CNOT2: variants seen among roughly 807,000 people sequenced by gnomAD.
The protein encoded by CNOT2 is CC chemokine receptor 4-negative regulator of transcription 2.
A neutral mutation model predicts 72.1 loss-of-function variants in CNOT2; 7 were observed. The observed-to-expected ratio is 0.10, with a 90% CI of 0.06 to 0.18. The LOEUF is 0.18. Ranked by LOEUF, CNOT2 falls within the 10% of genes least tolerant of loss-of-function variation. CNOT2 has a pLI of 1.00. For missense variants in CNOT2, 345 were observed against 660.3 expected, an observed-to-expected ratio of 0.52 and a Z score of 5.23; for synonymous variants, 196 against 225.6, an observed-to-expected ratio of 0.87 and a Z score of 1.17.
intron 2 of CNOT2, among the ~76,000 whole-genome samples, chr12:70,294,941 C>CGTGT (rs140897323): frequency 2.0e-5 from 3 of 151,386 alleles, no homozygotes; most frequent in Non-Finnish European, 2.9e-5. Flanking sequence ...GATCCTGTGT[C>CGTGT]GTGTGTGTGT....
At chr12:70,296,766 C>A (rs1027344759) in intron 2 of CNOT2, among the ~76,000 whole-genome samples, 3 of 148,578 alleles carry the variant, frequency 2.0e-5, no homozygotes, top group Admixed American at 1.4e-4. Context: ...AGCCCCCCCC[C>A]CTTTTTAAAT....
At chr12:70,255,976 C>G (rs1958418929) in intron 1 of CNOT2, among the ~76,000 whole-genome samples, 1 of 152,094 alleles carries the variant, frequency 6.6e-6, no homozygotes. Flanking sequence ...ACTCAGGCAT[C>G]AGATACTCAG....
intron 2 of CNOT2, among the ~76,000 whole-genome samples, chr12:70,296,332 C>G (rs1872784889): frequency 6.6e-6 from 1 of 152,126 alleles, no homozygotes; most frequent in African/African-American, 2.4e-5. Context: ...TAGCTTTCTA[C>G]TAAAGCCTAT....
chr12:70,296,031 A>G (rs189613184), intron 2 of CNOT2, among the ~76,000 whole-genome samples: 40 of 152,238 alleles, frequency 2.6e-4, no homozygotes, highest in Middle Eastern at 3.4e-3. Flanking sequence ...ATATTAAGGG[A>G]TAACATACAT....
At position 70,276,666 on chromosome 12, in the gene CNOT2, A is replaced by T. The variant is rs1387606450; in HGVS notation, c.-95-1466A>T. Among the ~76,000 whole-genome samples, 3 of 152,014 alleles carry T rather than the reference A, an allele frequency of 2.0e-5. No individual in the cohort carries two copies. In the East Asian group the frequency reaches 5.8e-4, roughly 29 times the overall value. On this transcript the variant is annotated intron_variant, in intron 1 of 15. Coordinates refer to ENST00000229195, the MANE Select transcript of CNOT2 (RefSeq NM_014515.7). ...TATGAATAACCTCATTGCTTGCTAAATGATAAAGATTACATTTATAATAGT... is the reference window on the plus strand; with the variant it reads ...TATGAATAACCTCATTGCTTGCTAATTGATAAAGATTACATTTATAATAGT...
chr12:70,333,747 A>G (rs1161951260), intron 7 of CNOT2, among the ~76,000 whole-genome samples: 1 of 151,972 alleles, frequency 6.6e-6, no homozygotes, highest in Middle Eastern at 3.2e-3. Flanking sequence ...AAATCTTTGA[A>G]AAAAGATTCC....
chr12:70,277,430 T>C (rs1214340874), intron 1 of CNOT2, among the ~76,000 whole-genome samples: 4 of 152,128 alleles, frequency 2.6e-5, no homozygotes, highest in Non-Finnish European at 4.4e-5. Flanking sequence ...TTTATATCTC[T>C]GCAGTTTAAG....
chr12:70,325,804 T>A (rs1221068289), intron 4 of CNOT2, among the ~76,000 whole-genome samples: 1 of 151,864 alleles, frequency 6.6e-6, no homozygotes, highest in African/African-American at 2.4e-5. Context: ...GGGGACACTT[T>A]AAGGCATCAG....
At chr12:70,318,558 A>G (rs1877746471) in intron 3 of CNOT2, among the ~76,000 whole-genome samples, 2 of 151,076 alleles carry the variant, frequency 1.3e-5, no homozygotes, top group South Asian at 2.1e-4. Flanking sequence ...AAATGTTACC[A>G]CTCTATAGAG....
At chr12:70,260,633 A>G (rs1264982103) in intron 1 of CNOT2, among the ~76,000 whole-genome samples, 2 of 152,100 alleles carry the variant, frequency 1.3e-5, no homozygotes, top group African/African-American at 4.8e-5. Flanking sequence ...TTCATTATTG[A>G]CATGGAGTAT....
chr12:70,300,281 T>G (rs1458077118), intron 2 of CNOT2, among the ~76,000 whole-genome samples: 1 of 152,226 alleles, frequency 6.6e-6, no homozygotes, highest in Non-Finnish European at 1.5e-5. Flanking sequence ...GTTTTAGACA[T>G]GAAGTCCTTG....
At chr12:70,249,236 T>G (rs1958025513) in intron 1 of CNOT2, among the ~76,000 whole-genome samples, 1 of 151,988 alleles carries the variant, frequency 6.6e-6, no homozygotes, top group South Asian at 2.1e-4. Flanking sequence ...TTTAGTTTTC[T>G]GCTTGTAAGA....
chr12:70,337,784 G>A (rs1396761544), intron 9 of CNOT2: 1 of 499,296 alleles, frequency 2.0e-6, no homozygotes, highest in South Asian at 1.5e-5. Context: ...CATGAAGTTT[G>A]ATAATATAGC....
chr12:70,243,682 G>A (rs1405618739), intron 1 of CNOT2: 1 of 151,368 alleles, frequency 6.6e-6, no homozygotes, highest in Non-Finnish European at 1.5e-5. Flanking sequence ...GGGCGGGGAG[G>A]GGGGTGGCGG....
At chr12:70,247,394 G>T (rs943320623) in intron 1 of CNOT2, among the ~76,000 whole-genome samples, 1 of 152,030 alleles carries the variant, frequency 6.6e-6, no homozygotes, top group South Asian at 2.1e-4. Context: ...GACCTCAGAC[G>T]ATCCGCCTGC....
chr12:70,327,978 G>A (rs1203457473), intron 4 of CNOT2, among the ~76,000 whole-genome samples: 1 of 151,764 alleles, frequency 6.6e-6, no homozygotes, highest in Non-Finnish European at 1.5e-5. Context: ...CAAAGAAAGT[G>A]GCTTCAGCTA....
intron 1 of CNOT2, among the ~76,000 whole-genome samples, chr12:70,252,623 A>G (rs1278788139): frequency 6.6e-6 from 1 of 152,236 alleles, no homozygotes; most frequent in Non-Finnish European, 1.5e-5. Context: ...GCTATTAAAG[A>G]GAGTTATATT....
chr12:70,281,903 T>G (rs1178818565), intron 2 of CNOT2, among the ~76,000 whole-genome samples: 1 of 147,504 alleles, frequency 6.8e-6, no homozygotes, highest in Non-Finnish European at 1.5e-5. Context: ...TAACCACATT[T>G]CAAATGCTCA....
chr12:70,258,308 C>T (rs995167089), intron 1 of CNOT2, among the ~76,000 whole-genome samples: 1 of 151,790 alleles, frequency 6.6e-6, no homozygotes, highest in African/African-American at 2.4e-5. Flanking sequence ...GATAAACTTA[C>T]GGTGAAAAAG....
Sources: gnomAD v4.1 joint callset for allele counts (sites outside exome capture counted in the v4.1 genomes callset) on GRCh38, gnomAD v4.1.1 for gene constraint, MANE v1.5 for transcripts, NCBI Gene and HGNC (gene_info 2026-07-23, HGNC 2026-07-21) for gene names.